TMEM114: variants seen among roughly 807,000 people sequenced by gnomAD.
TMEM114 encodes claudin-26.
TMEM114 carries 6 observed loss-of-function variants against 6.2 expected under a neutral mutation model. The observed-to-expected ratio is 0.97, with a 90% confidence interval of 0.53 to 1.91. TMEM114 has a LOEUF of 1.91. TMEM114 is among the 40% of genes most tolerant of loss of function. The pLI is 0.01. For missense variants in TMEM114, 218 were observed against 158.3 expected (o/e 1.38, Z -2.02); for synonymous variants, 104 against 73.0 (o/e 1.42, Z -2.16).
intron 2 of TMEM114, among the ~76,000 whole-genome samples, chr16:8,572,964 T>C (rs1017620969): frequency 6.6e-6 from 1 of 152,184 alleles, no homozygotes; most frequent in African/African-American, 2.4e-5. Flanking sequence ...ATTTGGAAGT[T>C]ATCCTTCTCC....
intron 2 of TMEM114, among the ~76,000 whole-genome samples, chr16:8,560,529 T>C (rs2141668400): frequency 6.6e-6 from 1 of 152,270 alleles, no homozygotes; most frequent in East Asian, 1.9e-4. Context: ...TCCTGCTGGC[T>C]CCAAAAGGCG....
rs1567202951 is a variant in TMEM114 at position 8,563,415 on chromosome 16, T to TAGTGAGTGAATGAGTGAGGCAATG, written n.213-25613_213-25590dup. The stretch of plus-strand genomic sequence containing the variant: ...TGAATGAGTAAACGAGTGAGTTAAT[T>TAGTGAGTGAATGAGTGAGGCAATG]AGTGAGTGAATGAGTGAGGCAATGA... On this transcript the variant is annotated intron_variant and non_coding_transcript_variant, in intron 2 of 2. Coordinates refer to the TMEM114 transcript ENST00000623677. Among the ~76,000 whole-genome samples, 423 of 105,600 alleles carry TAGTGAGTGAATGAGTGAGGCAATG rather than the reference T, an allele frequency of 4.0e-3. 2 individuals are homozygous for TAGTGAGTGAATGAGTGAGGCAATG. Among genetic ancestry groups the TAGTGAGTGAATGAGTGAGGCAATG allele is most frequent in the Non-Finnish European group, 6.1e-3 (308 of 50,876 alleles). 69.3% of individuals were successfully genotyped at this position (105,600 alleles called of 152,430 possible). A position where few individuals can be genotyped will look rare whatever the true frequency, so the allele number is the denominator to read the frequency against.
intron 2 of TMEM114, among the ~76,000 whole-genome samples, chr16:8,574,578 C>CT (rs1567208110): frequency 9.0e-5 from 3 of 33,404 alleles, no homozygotes; most frequent in African/African-American, 7.1e-4. Flanking sequence ...TCTTTCCTTC[C>CT]TTCCTTCTTT....
At chr16:8,563,903 G>A (rs938741177) in intron 2 of TMEM114, among the ~76,000 whole-genome samples, 7 of 147,622 alleles carry the variant, frequency 4.7e-5, no homozygotes, top group Admixed American at 4.6e-4. Context: ...GTGAATGAAT[G>A]AGTGAGTGAG....
At chr16:8,537,396 G>A (rs1263579853), downstream of TMEM114, among the ~76,000 whole-genome samples, 1 of 152,160 alleles carries the variant, frequency 6.6e-6, no homozygotes, top group Non-Finnish European at 1.5e-5. Flanking sequence ...AGCTACTTGG[G>A]AAGCTGAGGC....
chr16:8,585,040 G>A (rs924106774), intron 2 of TMEM114, among the ~76,000 whole-genome samples: 1 of 152,112 alleles, frequency 6.6e-6, no homozygotes, highest in African/African-American at 2.4e-5. Context: ...GTTCCACATG[G>A]CTGGGGAGGC....
the TMEM114 span, among the ~76,000 whole-genome samples, chr16:8,532,317 G>C: frequency 6.6e-6 from 1 of 152,102 alleles, no homozygotes; most frequent in South Asian, 2.1e-4. Flanking sequence ...GTGTAAACTT[G>C]TCCAAGCCAC....
chr16:8,563,847 G>A (rs1217729234), intron 2 of TMEM114, among the ~76,000 whole-genome samples: 20 of 149,248 alleles, frequency 1.3e-4, no homozygotes, highest in Admixed American at 5.9e-4. Context: ...GGGAGGGAGG[G>A]AGGGAGGGAG....
At chr16:8,554,889 G>A (rs912288778) in intron 2 of TMEM114, among the ~76,000 whole-genome samples, 5 of 152,178 alleles carry the variant, frequency 3.3e-5, no homozygotes, top group African/African-American at 7.2e-5. Context: ...TTTGTCCTTC[G>A]TACCACAGCT....
At chr16:8,532,353 G>T in the TMEM114 span, among the ~76,000 whole-genome samples, 8 of 152,012 alleles carry the variant, frequency 5.3e-5, no homozygotes, top group African/African-American at 1.9e-4. Flanking sequence ...CTTATAAATA[G>T]GGAAGTTTGG....
chr16:8,574,115 C>T (rs1001944147), intron 2 of TMEM114, among the ~76,000 whole-genome samples: 1 of 152,002 alleles, frequency 6.6e-6, no homozygotes, highest in Non-Finnish European at 1.5e-5. Context: ...GACCTCATGG[C>T]GATGAAGAAT....
intron 2 of TMEM114, 150 bp from the exon 3 acceptor site, chr16:8,572,374 G>T: frequency 1.2e-6 from 1 of 815,352 alleles, no homozygotes; most frequent in Non-Finnish European, 2.0e-6. Context: ...TTCTGATGAT[G>T]ATGATGACCA....
downstream of TMEM114, among the ~76,000 whole-genome samples, chr16:8,534,164 G>A (rs1454973572): frequency 4.6e-5 from 7 of 152,238 alleles, no homozygotes; most frequent in South Asian, 6.2e-4. Flanking sequence ...CTACATCATT[G>A]AGCTCTGCCC....
At chr16:8,577,155 A>T (rs1220879718) in intron 2 of TMEM114, among the ~76,000 whole-genome samples, 1 of 152,258 alleles carries the variant, frequency 6.6e-6, no homozygotes, top group East Asian at 1.9e-4. Context: ...TCATCTTGAC[A>T]TGAGGACCAT....
chr16:8,556,998 A>C (rs1901033660), intron 2 of TMEM114, among the ~76,000 whole-genome samples: 1 of 152,122 alleles, frequency 6.6e-6, no homozygotes, highest in African/African-American at 2.4e-5. Flanking sequence ...CCAGAGCTGG[A>C]GGTGTCTGAG....
At chr16:8,555,582 C>G (rs557504355) in intron 2 of TMEM114, among the ~76,000 whole-genome samples, 1 of 152,252 alleles carries the variant, frequency 6.6e-6, no homozygotes, top group Admixed American at 6.5e-5. Flanking sequence ...GGTTCCTCGT[C>G]CCAGCTTCCA....
chr16:8,556,372 G>A (rs1377594847), intron 2 of TMEM114, among the ~76,000 whole-genome samples: 1 of 152,152 alleles, frequency 6.6e-6, no homozygotes, highest in Non-Finnish European at 1.5e-5. Context: ...GGTTGAAAAG[G>A]GGTGAAAACA....
At position 8,572,149 on chromosome 16, in the gene TMEM114, A is replaced by C; in HGVS notation, c.377T>G (p.Leu126Arg). 6.4e-7 allele frequency: 1 copy of C among 1,551,672 alleles called. No homozygotes were observed. Among genetic ancestry groups the C allele is most frequent in the Non-Finnish European group, 8.7e-7 (1 of 1,146,978 alleles). Residue 126 changes from leucine (L) to arginine (R), a missense_variant, in exon 3 of 4, where the codon CTG (leucine) becomes CGG (arginine). Coordinates refer to ENST00000620492, the MANE Select transcript of TMEM114 (RefSeq NM_001146336.2). ...GAGGTAGGCTTGGAGGAGGAAGCTC[A>C]GAAACCCCGTCATCCCCCCAAAAAC... ...LMVFGGMTGF[L>R]SFLLQAYLLL...
intron 2 of TMEM114, among the ~76,000 whole-genome samples, chr16:8,574,582 C>CTTCTTTTTTTCTTTCTTTCTTTCT (rs1901854524): frequency 3.5e-5 from 5 of 142,460 alleles, no homozygotes; most frequent in African/African-American, 1.3e-4. Flanking sequence ...TCCTTCCTTC[C>CTTCTTTTTTTCTTTCTTTCTTTCT]TTCTTTCTTT....
Sources: gnomAD v4.1 joint callset for allele counts (sites outside exome capture counted in the v4.1 genomes callset) on GRCh38, gnomAD v4.1.1 for gene constraint, MANE v1.5 for transcripts, NCBI Gene and HGNC (gene_info 2026-07-23, HGNC 2026-07-21) for gene names.